The following SASH1 variants were observed in gnomAD, a reference collection of about 807,000 sequenced individuals.
SASH1 encodes SAM and SH3 domain containing 1, also known as SAM and SH3 domain-containing protein 1.
Under a neutral mutation model 125.2 loss-of-function variants are expected in SASH1, and 44 were observed. That is an observed-to-expected ratio of 0.35 (90% CI 0.28 to 0.45). SASH1 has a LOEUF of 0.45. SASH1 is among the 20% of genes least tolerant of loss of function. SASH1 has a pLI of 1.00. For synonymous variants in SASH1, 639 were observed against 649.1 expected (o/e 0.98, Z 0.24); for missense variants, 1,426 against 1,614.5 (o/e 0.88, Z 2.00).
At chr6:148,493,851 G>T (rs570073145) in intron 8 of SASH1, among the ~76,000 whole-genome samples, 8 of 152,256 alleles carry the variant, frequency 5.3e-5, no homozygotes, top group Non-Finnish European at 1.0e-4. Flanking sequence ...AGAGATTTTT[G>T]GTTGAGAGCT....
chr6:148,273,008 C>G (rs73020852), intron 1 of SASH1, among the ~76,000 whole-genome samples: 8,401 of 152,112 alleles, frequency 0.055, 285 homozygotes, highest in Middle Eastern at 0.12. Context: ...GCCTATAATC[C>G]CAGAACTTTG....
At chr6:148,455,097 C>T (rs1454728963) in intron 4 of SASH1, among the ~76,000 whole-genome samples, 16 of 152,192 alleles carry the variant, frequency 1.1e-4, no homozygotes, top group Admixed American at 1.0e-3. Flanking sequence ...TGAAGATGGG[C>T]CCTGTGATCC....
rs941538771 is a variant in SASH1 at position 148,487,605 on chromosome 6, T to C, written c.628-9T>C. On this transcript the variant is annotated splice_polypyrimidine_tract_variant and intron_variant, in intron 7 of 19. Coordinates refer to ENST00000367467, the MANE Select transcript of SASH1 (RefSeq NM_015278.5). Reference sequence around the variant, plus strand: ...TTTCCATTTCAGTATCCATTTCTTCTTGTTACAGCTCAAGGAATACGAGGC... The same window carrying C: ...TTTCCATTTCAGTATCCATTTCTTCCTGTTACAGCTCAAGGAATACGAGGC... 5 of 1,607,620 alleles carry C rather than the reference T, an allele frequency of 3.1e-6. No individual in the cohort carries two copies. The highest frequency in any genetic ancestry group is 1.7e-5 in the Admixed American group (1 of 59,632).
At chr6:148,470,061 G>GA (rs375176844) in intron 5 of SASH1, among the ~76,000 whole-genome samples, 1 of 151,222 alleles carries the variant, frequency 6.6e-6, no homozygotes, top group Admixed American at 6.6e-5. Flanking sequence ...AGAAAGAAAA[G>GA]AAAAAAGAAA....
upstream of SASH1, among the ~76,000 whole-genome samples, chr6:148,267,398 A>ACT (rs1554227767): frequency 6.8e-6 from 1 of 147,642 alleles, no homozygotes. Context: ...TGTGTGTGTG[A>ACT]GATGGAGTCT....
rs1427721502 is a variant in SASH1, at chr6:148,278,619, A to G, written n.74+6242A>G. ...TATGCAAAAGTAGGTTAAATAGAAC[A>G]AGGCACTTTCAAGTATACAAAACAA... On this transcript the variant is annotated intron_variant and non_coding_transcript_variant, in intron 1 of 3. Transcript: ENST00000367469. 2.6e-5 allele frequency: 4 copies of G among 152,332 alleles called. No homozygotes were observed. In the East Asian group the frequency reaches 7.7e-4, roughly 29 times the overall value. 9.4% of individuals were successfully genotyped at this position (152,332 alleles called of 1,614,324 possible).
chr6:148,242,937 T>A, the SASH1 span, among the ~76,000 whole-genome samples: 1 of 152,168 alleles, frequency 6.6e-6, no homozygotes, highest in African/African-American at 2.4e-5. Flanking sequence ...ATTTTTTTTT[T>A]AACTCTTACT....
At chr6:148,399,707 T>C (rs1202591395) in intron 2 of SASH1, among the ~76,000 whole-genome samples, 1 of 152,206 alleles carries the variant, frequency 6.6e-6, no homozygotes, top group African/African-American at 2.4e-5. Flanking sequence ...TTGAGGAAAT[T>C]GACACTAACT....
upstream of SASH1, among the ~76,000 whole-genome samples, chr6:148,268,915 G>A (rs1778998487): frequency 6.6e-6 from 1 of 152,142 alleles, no homozygotes; most frequent in South Asian, 2.1e-4. Context: ...TAAGGCATTG[G>A]GGAATAACAA....
At chr6:148,244,172 T>A in the SASH1 span, among the ~76,000 whole-genome samples, 1 of 152,156 alleles carries the variant, frequency 6.6e-6, no homozygotes, top group Admixed American at 6.5e-5. Context: ...CTTCCCCCTT[T>A]CCCAGCTCTA....
chr6:148,468,455 A>G (rs199940264), intron 4 of SASH1, 90 bp from the exon 5 acceptor site: 10 of 960,532 alleles, frequency 1.0e-5, no homozygotes, highest in Non-Finnish European at 1.6e-5. Flanking sequence ...ATTAAGTAGT[A>G]TTGATGCTGG....
intron 1 of SASH1, among the ~76,000 whole-genome samples, chr6:148,364,668 T>C (rs1288609146): frequency 6.6e-6 from 1 of 151,980 alleles, no homozygotes; most frequent in African/African-American, 2.4e-5. Flanking sequence ...AAGGTCAAGA[T>C]GAGAATAGGT....
rs571346144 is a variant in SASH1 at position 148,513,452 on chromosome 6, A to G, written c.730-872A>G. On this transcript the variant is annotated intron_variant, in intron 8 of 19. Coordinates refer to ENST00000367467, the MANE Select transcript of SASH1 (RefSeq NM_015278.5). ...CATTTTGAACAGATACAACAGAGGA[A>G]GCTGCATATTGGATGTTGGAGCTGA... 57 of 985,476 alleles carry G rather than the reference A, an allele frequency of 5.8e-5. No individual in the cohort carries two copies. The African/African-American group carries it at 9.2e-4, about 16-fold the overall frequency. The allele number at this position is 985,476 out of a possible 1,614,324, so 61.0% of individuals were successfully genotyped here.
At chr6:148,284,312 G>A (rs573225010) in intron 1 of SASH1, among the ~76,000 whole-genome samples, 5 of 152,104 alleles carry the variant, frequency 3.3e-5, no homozygotes, top group East Asian at 3.9e-4. Context: ...GGTGGCACAC[G>A]CCTATAGTCC....
intron 4 of SASH1, among the ~76,000 whole-genome samples, chr6:148,461,879 G>A (rs1430913747): frequency 6.6e-6 from 1 of 152,202 alleles, no homozygotes; most frequent in African/African-American, 2.4e-5. Context: ...GTCATGAAAG[G>A]AGCAAAATAT....
At chr6:148,248,974 T>C in the SASH1 span, among the ~76,000 whole-genome samples, 23 of 152,226 alleles carry the variant, frequency 1.5e-4, no homozygotes, top group Non-Finnish European at 2.8e-4. Flanking sequence ...TTCAATATTT[T>C]ACATACTGAG....
chr6:148,414,285 G>A (rs1784738041), intron 2 of SASH1, among the ~76,000 whole-genome samples: 1 of 152,098 alleles, frequency 6.6e-6, no homozygotes. Flanking sequence ...GGACACTTTT[G>A]TGGATGCAAA....
chr6:148,399,901 A>G (rs369823475), intron 2 of SASH1, among the ~76,000 whole-genome samples: 204 of 152,370 alleles, frequency 1.3e-3, no homozygotes, highest in African/African-American at 4.7e-3. Context: ...AGCCTGGAAT[A>G]TTAAAACCAG....
intron 7 of SASH1, among the ~76,000 whole-genome samples, chr6:148,486,487 C>G (rs1442069388): frequency 6.6e-6 from 1 of 152,098 alleles, no homozygotes; most frequent in African/African-American, 2.4e-5. Flanking sequence ...TGAACCTAAA[C>G]TTTTAATATC....
Sources: allele counts gnomAD v4.1 joint callset (sites outside exome capture counted in the v4.1 genomes callset), GRCh38; gene constraint gnomAD v4.1.1; transcripts MANE v1.5; gene names NCBI Gene and HGNC (gene_info 2026-07-23, HGNC 2026-07-21).